The following NRG2 variants were observed in gnomAD, a reference collection of about 807,000 sequenced individuals.
NRG2 encodes the protein pro-neuregulin-2, membrane-bound isoform.
NRG2 carries 27 observed loss-of-function variants against 73.9 expected under a neutral mutation model. The observed-to-expected ratio is 0.37, with a 90% CI of 0.27 to 0.50. The LOEUF (loss-of-function observed/expected upper bound fraction) is 0.50, where lower values mean the gene tolerates loss of function less well. Ranked by LOEUF, NRG2 falls within the 20% of genes least tolerant of loss-of-function variation. The pLI is 0.96. For missense variants in NRG2, 1,126 were observed against 1,210.1 expected (o/e 0.93, Z 1.03); for synonymous variants, 532 against 541.0 (o/e 0.98, Z 0.23).
chr5:140,036,091 C>T (rs933306044), intron 1 of NRG2, among the ~76,000 whole-genome samples: 2 of 152,090 alleles, frequency 1.3e-5, no homozygotes, highest in Admixed American at 1.3e-4. Context: ...TGACAGGCTC[C>T]GGAAGTGTCA....
intron 1 of NRG2, among the ~76,000 whole-genome samples, chr5:139,931,427 G>A (rs1021423812): frequency 6.6e-6 from 1 of 152,166 alleles, no homozygotes; most frequent in Non-Finnish European, 1.5e-5. Flanking sequence ...GATGACAGTA[G>A]GTTCCTGAGA....
chr5:140,002,862 G>A (rs1331915517), intron 1 of NRG2, among the ~76,000 whole-genome samples: 2 of 152,212 alleles, frequency 1.3e-5, no homozygotes, highest in African/African-American at 4.8e-5. Flanking sequence ...TAATTGGGGA[G>A]GTGATGAGAA....
Position 139,848,096 on chromosome 5 carries a change from T to G in NRG2, c.2374A>C (p.Ser792Arg), listed in dbSNP as rs13174166. ...CCACGCAGGCCCAGGAAAGGTGTGCTCTCGGCCGCCAGCGCCCCGTCCGCG... is the reference window on the plus strand; with the variant it reads ...CCACGCAGGCCCAGGAAAGGTGTGCGCTCGGCCGCCAGCGCCCCGTCCGCG... ...DDADGALAAE[S>R]TPFLGLRGAH... Residue 792 changes from serine (S) to arginine (R), a missense_variant, in exon 10 of 10, where the codon AGC (serine) becomes CGC (arginine). Around this residue, in one of 3 missense-constraint regions of NRG2, gnomAD observed 402 missense variants for 357.8 expected, o/e 1.12. Transcript: ENST00000361474. The G allele has an allele frequency of 9.4e-6, 14 of 1,482,630 alleles. No homozygotes were observed. In the Admixed American group the frequency reaches 1.4e-4, roughly 15 times the overall value. The allele number at this position is 1,482,630 out of a possible 1,614,324, so 91.8% of individuals were successfully genotyped here. A position where few individuals can be genotyped will look rare whatever the true frequency, so the allele number is the denominator to read the frequency against.
intron 4 of NRG2, among the ~76,000 whole-genome samples, chr5:139,867,889 A>G (rs1762590086): frequency 6.6e-6 from 1 of 151,328 alleles, no homozygotes; most frequent in African/African-American, 2.4e-5. Flanking sequence ...GCAAGGGGAA[A>G]TTTATTTCCA....
At chr5:140,020,778 G>A (rs1462460816) in intron 1 of NRG2, among the ~76,000 whole-genome samples, 2 of 152,220 alleles carry the variant, frequency 1.3e-5, no homozygotes, top group African/African-American at 4.8e-5. Context: ...GTTTGCATAC[G>A]TAGCCCACCT....
At position 139,871,248 on chromosome 5, in the gene NRG2, CT is replaced by C. The variant is rs1762827333; in HGVS notation, c.1112+472del. 10 of 163,956 alleles carry C rather than the reference CT, an allele frequency of 6.1e-5. No individual in the cohort carries two copies. In the South Asian group the frequency reaches 1.4e-3, roughly 23 times the overall value. The allele number at this position is 163,956 out of a possible 1,614,324, so 10.2% of individuals were successfully genotyped here. A position where few individuals can be genotyped will look rare whatever the true frequency, so the allele number is the denominator to read the frequency against. On this transcript the variant is annotated intron_variant, in intron 4 of 9. Transcript: ENST00000361474. ...CTACAGGAGCAAAGGGCTCTGGAAC[CT>C]GTGCTCTGCCTGGCCCTGCCAGGCT...
intron 1 of NRG2, among the ~76,000 whole-genome samples, chr5:139,973,638 A>G (rs977569588): frequency 1.3e-5 from 2 of 152,248 alleles, no homozygotes. Flanking sequence ...CTAGGATTAC[A>G]GGTGTGAGCC....
chr5:139,960,304 C>A (rs1256327644), intron 1 of NRG2, among the ~76,000 whole-genome samples: 1 of 152,138 alleles, frequency 6.6e-6, no homozygotes, highest in African/African-American at 2.4e-5. Context: ...CACCTGAGGT[C>A]GGGAGTTCGA....
At chr5:140,004,237 C>A (rs1156397909) in intron 1 of NRG2, among the ~76,000 whole-genome samples, 1 of 151,444 alleles carries the variant, frequency 6.6e-6, no homozygotes, top group Admixed American at 6.6e-5. Context: ...TAAGATTATT[C>A]TCTACTCTAC....
intron 1 of NRG2, among the ~76,000 whole-genome samples, chr5:139,950,959 T>A (rs538030506): frequency 6.6e-6 from 1 of 152,330 alleles, no homozygotes; most frequent in South Asian, 2.1e-4. Context: ...ACAGCTCCCA[T>A]ATATTGATCA....
intron 1 of NRG2, among the ~76,000 whole-genome samples, chr5:139,891,314 G>C (rs564754859): frequency 6.6e-6 from 1 of 152,340 alleles, no homozygotes; most frequent in South Asian, 2.1e-4. Context: ...CCCTAATTCA[G>C]AGGGCCTGAG....
intron 1 of NRG2, among the ~76,000 whole-genome samples, chr5:139,997,513 G>C (rs912014953): frequency 2.0e-5 from 3 of 152,258 alleles, no homozygotes; most frequent in African/African-American, 7.2e-5. Context: ...TTTAGTGAAA[G>C]AGGGAAGAGC....
At chr5:139,968,619 G>A (rs1356463143) in intron 1 of NRG2, among the ~76,000 whole-genome samples, 2 of 152,222 alleles carry the variant, frequency 1.3e-5, no homozygotes, top group South Asian at 4.1e-4. Context: ...CTCCTGAGCG[G>A]CAGCGCCAGC....
intron 1 of NRG2, among the ~76,000 whole-genome samples, chr5:139,899,793 C>T (rs918772522): frequency 2.0e-5 from 3 of 152,152 alleles, no homozygotes; most frequent in Non-Finnish European, 2.9e-5. Context: ...TCTGCCTCTC[C>T]CTGGTTTTTG....
At position 139,954,150 on chromosome 5, in the gene NRG2, CTCCTGCACGA is replaced by C. The variant is rs1024316820; in HGVS notation, c.701-66649_701-66640del. On this transcript the variant is annotated intron_variant, in intron 1 of 9. Coordinates refer to ENST00000361474, the MANE Select transcript of NRG2 (RefSeq NM_004883.3). The surrounding 1 kb of genome is among the most constrained non-coding windows in gnomAD (Gnocchi z 5.0). ...CAGGCTGGCGGTTCTCTCCCCTTGC[CTCCTGCACGA>C]TCGTGGCAAGACAACTGCTTCTCAT... Among the ~76,000 whole-genome samples, 19 of 152,244 alleles carry C rather than the reference CTCCTGCACGA, an allele frequency of 1.2e-4. No homozygotes were observed. Among genetic ancestry groups the C allele is most frequent in the Non-Finnish European group, 2.5e-4 (17 of 68,016 alleles).
chr5:140,035,332 T>C (rs1394931294), intron 1 of NRG2, among the ~76,000 whole-genome samples: 1 of 152,214 alleles, frequency 6.6e-6, no homozygotes, highest in African/African-American at 2.4e-5. Flanking sequence ...TCTTTCCTTT[T>C]TGACTCTTCT....
intron 1 of NRG2, among the ~76,000 whole-genome samples, chr5:139,924,945 TG>T (rs1391559093): frequency 6.6e-6 from 1 of 151,988 alleles, no homozygotes; most frequent in Non-Finnish European, 1.5e-5. Flanking sequence ...GACACAGGTG[TG>T]GGGATCTCGA....
chr5:139,895,651 G>C (rs1764502827), intron 1 of NRG2, among the ~76,000 whole-genome samples: 1 of 152,182 alleles, frequency 6.6e-6, no homozygotes, highest in Non-Finnish European at 1.5e-5. Flanking sequence ...GCCTCTCTGG[G>C]CCTCAGTTGA....
At chr5:139,947,282 A>G (rs1000022435) in intron 1 of NRG2, among the ~76,000 whole-genome samples, 2 of 152,202 alleles carry the variant, frequency 1.3e-5, no homozygotes, top group African/African-American at 2.4e-5. Flanking sequence ...AGCCTTCTGT[A>G]TCTAAAGATC....
Sources: gnomAD v4.1 joint callset for allele counts (sites outside exome capture counted in the v4.1 genomes callset) on GRCh38, gnomAD v4.1.1 for gene constraint, gnomAD v4.1.1 regional missense constraint, Gnocchi (gnomAD v3.1) non-coding constraint, MANE v1.5 for transcripts, NCBI Gene and HGNC (gene_info 2026-07-23, HGNC 2026-07-21) for gene names.